Variants in RNF169 observed in about 807,000 individuals in gnomAD.
The protein encoded by RNF169 is E3 ubiquitin-protein ligase RNF169.
A neutral mutation model predicts 53.9 loss-of-function variants in RNF169; 24 were observed. That is an observed-to-expected ratio of 0.45 (90% CI 0.32 to 0.63). The LOEUF is 0.63. Among genes scored for constraint, RNF169 ranks in the 20% least tolerant of loss-of-function variants. The pLI is 0.04. For synonymous variants in RNF169, 396 were observed against 363.5 expected, an observed-to-expected ratio of 1.09 and a Z score of -1.02; for missense variants, 883 against 906.2, an observed-to-expected ratio of 0.97 and a Z score of 0.33.
intron 1 of RNF169, among the ~76,000 whole-genome samples, chr11:74,762,272 A>T (rs1200663694): frequency 1.3e-5 from 2 of 150,446 alleles, no homozygotes; most frequent in Non-Finnish European, 3.0e-5. Flanking sequence ...GCTCAGAGTA[A>T]TTTGATCGTC....
intron 4 of RNF169, among the ~76,000 whole-genome samples, chr11:74,825,922 G>T (rs997088897): frequency 6.6e-6 from 1 of 152,146 alleles, no homozygotes; most frequent in Admixed American, 6.6e-5. Context: ...GTGGCTGGGG[G>T]AGGCCTCAGG....
At chr11:74,798,600 G>C (rs1398491718) in intron 2 of RNF169, among the ~76,000 whole-genome samples, 1 of 152,258 alleles carries the variant, frequency 6.6e-6, no homozygotes, top group South Asian at 2.1e-4. Context: ...CACTTGCCTT[G>C]TGATATTCTA....
At chr11:74,794,488 G>A (rs532751249) in intron 2 of RNF169, among the ~76,000 whole-genome samples, 25 of 152,178 alleles carry the variant, frequency 1.6e-4, no homozygotes, top group Admixed American at 5.2e-4. Flanking sequence ...AATAAAGCTG[G>A]AAAGCTAGGA....
chr11:74,834,969 C>T lies in RNF169; in HGVS notation c.942+194C>T, dbSNP rs531373540. On this transcript the variant is annotated intron_variant, in intron 5 of 5. Coordinates refer to ENST00000299563, the MANE Select transcript of RNF169 (RefSeq NM_001098638.2). ...AGTAGCCAGATGGGTAGAATTAGGG[C>T]TACTAGAGAATCCCCCCTTCTTTTT... Among the ~76,000 whole-genome samples, 13 of 152,070 alleles carry T rather than the reference C, an allele frequency of 8.5e-5. No homozygotes were observed. The South Asian group carries it at 2.7e-3, about 32-fold the overall frequency.
chr11:74,828,729 A>T (rs1392711040), intron 4 of RNF169, among the ~76,000 whole-genome samples: 1 of 152,106 alleles, frequency 6.6e-6, no homozygotes, highest in Non-Finnish European at 1.5e-5. Context: ...CCTGACAAAA[A>T]CAATGGGGAA....
Position 74,795,151 on chromosome 11 carries a change from C to T in RNF169, c.576+5452C>T, listed in dbSNP as rs564518507. On this transcript the variant is annotated intron_variant, in intron 2 of 5. Coordinates refer to ENST00000299563, the MANE Select transcript of RNF169 (RefSeq NM_001098638.2). ...AATAATACAATCTATTTGGTGACTT[C>T]CTTTTTCCACTGAACAGCATATTTT... is the stretch of plus-strand genomic sequence containing the variant. Among the ~76,000 whole-genome samples the T allele has an allele frequency of 4.3e-4, 65 of 151,256 alleles. 1 individual carries two copies. The South Asian group carries it at 9.0e-3, about 21-fold the overall frequency.
At position 74,780,766 on chromosome 11, in the gene RNF169, A is replaced by AT. The variant is rs1320680988; in HGVS notation, c.503-8859dup. ...AGAAAAGCTTGATTTAAAAAAATCTATATGAAGGCATTGTAAGTTGCCAAG... is the reference window on the plus strand; with the variant it reads ...AGAAAAGCTTGATTTAAAAAAATCTATTATGAAGGCATTGTAAGTTGCCAAG... On this transcript the variant is annotated intron_variant, in intron 1 of 5. Coordinates refer to ENST00000299563, the MANE Select transcript of RNF169 (RefSeq NM_001098638.2). Among the ~76,000 whole-genome samples the AT allele has an allele frequency of 2.6e-5, 4 of 152,334 alleles. No homozygotes were observed. In the East Asian group the frequency reaches 7.7e-4, roughly 29 times the overall value.
At chr11:74,808,899 T>G (rs1015117873) in intron 2 of RNF169, among the ~76,000 whole-genome samples, 2 of 152,220 alleles carry the variant, frequency 1.3e-5, no homozygotes, top group African/African-American at 4.8e-5. Context: ...TGTTCCTGTT[T>G]GGATTGGGCA....
intron 2 of RNF169, among the ~76,000 whole-genome samples, chr11:74,800,743 CAAAT>C (rs1468391306): frequency 6.6e-6 from 1 of 152,158 alleles, no homozygotes; most frequent in Non-Finnish European, 1.5e-5. Context: ...ATATGAAACA[CAAAT>C]TAATTCTCAA....
chr11:74,829,718 T>TCA (rs1259951177), intron 4 of RNF169, among the ~76,000 whole-genome samples: 1 of 152,154 alleles, frequency 6.6e-6, no homozygotes, highest in East Asian at 1.9e-4. Context: ...CTGGAAGCCA[T>TCA]CATTCTCAGC....
Position 74,835,791 on chromosome 11 carries a change from C to T in RNF169, c.1188C>T (p.Leu396=), listed in dbSNP as rs776431867. 6.2e-7 allele frequency: 1 copy of T among 1,614,196 alleles called. No individual in the cohort carries two copies. Among genetic ancestry groups the T allele is most frequent in the East Asian group, 2.2e-5 (1 of 44,886 alleles). The change falls in exon 6 of 6, where the codon CTC becomes CTT. Residue 396 remains leucine, a synonymous_variant. Coordinates refer to ENST00000299563, the MANE Select transcript of RNF169 (RefSeq NM_001098638.2). ...CACCATGTACTCCTCCCAAGAGACT[C>T]CCTGATGGCCGTGTGCTAAGTCCTC... ...VCSPCTPPKR[L]PDGRVLSPLI...
rs12292084 is a variant in RNF169 at position 74,798,282 on chromosome 11, C to A, written c.576+8583C>A. On this transcript the variant is annotated intron_variant, in intron 2 of 5. Transcript: ENST00000299563. ...CAAATGGGAAAAATATCGCTGAATTCTTTTTCTCAGCACGGAACATCCCTG... is the reference window on the plus strand; with the variant it reads ...CAAATGGGAAAAATATCGCTGAATTATTTTTCTCAGCACGGAACATCCCTG... Among the ~76,000 whole-genome samples the A allele has an allele frequency of 7.4e-4, 112 of 152,330 alleles. 1 individual carries two copies. The highest frequency in any genetic ancestry group is 2.4e-3 in the African/African-American group (100 of 41,584).
intron 2 of RNF169, among the ~76,000 whole-genome samples, chr11:74,794,328 A>C (rs1043839803): frequency 2.4e-4 from 37 of 152,356 alleles, no homozygotes; most frequent in Non-Finnish European, 1.5e-4. Context: ...GGTGTATACA[A>C]GGAAGTTGTT....
At chr11:74,780,530 T>TG (rs1370589938) in intron 1 of RNF169, among the ~76,000 whole-genome samples, 1 of 152,224 alleles carries the variant, frequency 6.6e-6, no homozygotes, top group Non-Finnish European at 1.5e-5. Flanking sequence ...TCAGCCTCAT[T>TG]GATCCTTTTT....
intron 1 of RNF169, among the ~76,000 whole-genome samples, chr11:74,776,202 A>G (rs2035330850): frequency 6.6e-6 from 1 of 152,130 alleles, no homozygotes; most frequent in Non-Finnish European, 1.5e-5. Context: ...TGTATGTACA[A>G]CTAAATTTTT....
intron 4 of RNF169, among the ~76,000 whole-genome samples, chr11:74,833,215 A>C (rs2036205568): frequency 6.6e-6 from 1 of 152,174 alleles, no homozygotes; most frequent in South Asian, 2.1e-4. Flanking sequence ...TACTTACTAG[A>C]GATGTAGGGA....
intron 1 of RNF169, among the ~76,000 whole-genome samples, chr11:74,767,298 A>G (rs948735990): frequency 6.6e-6 from 1 of 152,236 alleles, no homozygotes; most frequent in Non-Finnish European, 1.5e-5. Context: ...AAAGGAGAGT[A>G]AAACTATATG....
intron 1 of RNF169, among the ~76,000 whole-genome samples, chr11:74,777,632 G>C (rs1185851794): frequency 6.8e-6 from 1 of 147,358 alleles, no homozygotes; most frequent in Non-Finnish European, 1.5e-5. Context: ...TGCAAATCCT[G>C]TTGGTCTCGG....
intron 3 of RNF169, among the ~76,000 whole-genome samples, chr11:74,812,649 A>G (rs753733404): frequency 6.8e-4 from 103 of 152,166 alleles, no homozygotes; most frequent in Non-Finnish European, 1.4e-3. Flanking sequence ...GCTCTAATTT[A>G]AGAGTTTTCA....
Sources: allele counts gnomAD v4.1 joint callset (sites outside exome capture counted in the v4.1 genomes callset), GRCh38; gene constraint gnomAD v4.1.1; transcripts MANE v1.5; gene names NCBI Gene and HGNC (gene_info 2026-07-23, HGNC 2026-07-21).